The following POU6F2 variants were observed in gnomAD, a reference collection of about 807,000 sequenced individuals.
The protein encoded by POU6F2 is POU domain, class 6, transcription factor 2.
Under a neutral mutation model 71.3 loss-of-function variants are expected in POU6F2, and 31 were observed. The ratio of observed to expected loss-of-function variants is 0.43; its 90% CI spans 0.33 to 0.59. POU6F2 has a LOEUF of 0.59. Among genes scored for constraint, POU6F2 ranks in the 20% least tolerant of loss-of-function variants. The probability of loss-of-function intolerance (pLI) is 0.04; values close to 1 mark genes in which losing one functional copy is unlikely to be tolerated. For synonymous variants in POU6F2, 347 were observed against 355.7 expected, an observed-to-expected ratio of 0.98 and a Z score of 0.27; for missense variants, 783 against 856.8, an observed-to-expected ratio of 0.91 and a Z score of 1.07.
intron 2 of POU6F2, among the ~76,000 whole-genome samples, chr7:39,104,498 G>T (rs2128724300): frequency 6.6e-6 from 1 of 152,288 alleles, no homozygotes. Context: ...CAATGTACCT[G>T]GGATTCTTCA....
chr7:39,112,207 A>C (rs914026519), intron 2 of POU6F2, among the ~76,000 whole-genome samples: 3 of 152,204 alleles, frequency 2.0e-5, no homozygotes, highest in Non-Finnish European at 2.9e-5. Flanking sequence ...CTGGCTGAAC[A>C]TGTTGGTTCA....
intron 2 of POU6F2, among the ~76,000 whole-genome samples, chr7:39,179,871 G>A (rs545356356): frequency 4.6e-5 from 7 of 152,262 alleles, no homozygotes; most frequent in South Asian, 2.1e-4. Context: ...ACTTAAGCAC[G>A]TTGTATTTCA....
intron 4 of POU6F2, among the ~76,000 whole-genome samples, chr7:39,245,668 A>T (rs574405956): frequency 6.6e-5 from 10 of 152,308 alleles, no homozygotes; most frequent in African/African-American, 2.4e-4. Flanking sequence ...GGAGGAACTT[A>T]GTTTTTGCAT....
At chr7:39,405,101 A>G (rs1259288425) in intron 5 of POU6F2, 1 of 152,188 alleles carries the variant, frequency 6.6e-6, no homozygotes, top group Non-Finnish European at 1.5e-5. Context: ...TTTTTAAAAA[A>G]TGTGCTGGGT....
At chr7:39,126,839 G>C (rs1244094816) in intron 2 of POU6F2, among the ~76,000 whole-genome samples, 3 of 152,040 alleles carry the variant, frequency 2.0e-5, no homozygotes, top group Non-Finnish European at 2.9e-5. Context: ...GTGGCTTATT[G>C]GAATCAAATG....
At chr7:39,338,381 A>G (rs1312843082) in intron 4 of POU6F2, among the ~76,000 whole-genome samples, 1 of 152,214 alleles carries the variant, frequency 6.6e-6, no homozygotes, top group Non-Finnish European at 1.5e-5. Flanking sequence ...CCCTCATGCC[A>G]TCTCTATCTC....
chr7:39,239,565 A>C (rs1242471479), intron 4 of POU6F2, among the ~76,000 whole-genome samples: 1 of 152,128 alleles, frequency 6.6e-6, no homozygotes, highest in Non-Finnish European at 1.5e-5. Context: ...AAATATTAAA[A>C]ATTCTGAATC....
intron 2 of POU6F2, among the ~76,000 whole-genome samples, chr7:39,136,469 A>G (rs1295329459): frequency 6.6e-6 from 1 of 152,212 alleles, no homozygotes; most frequent in African/African-American, 2.4e-5. Context: ...TTAAAATAGT[A>G]TGCACCAACG....
chr7:39,040,681 T>C (rs1359877306), intron 1 of POU6F2, among the ~76,000 whole-genome samples: 1 of 151,998 alleles, frequency 6.6e-6, no homozygotes, highest in Non-Finnish European at 1.5e-5. Context: ...ATTTTTCCTA[T>C]AGTAATCATT....
At chr7:39,449,822 C>T (rs755787425) in intron 7 of POU6F2, among the ~76,000 whole-genome samples, 23 of 151,948 alleles carry the variant, frequency 1.5e-4, no homozygotes, top group Admixed American at 3.9e-4. Flanking sequence ...GAATGAATCT[C>T]AAAAACAGTA....
chr7:39,056,548 C>T (rs1790522828), intron 1 of POU6F2, among the ~76,000 whole-genome samples: 1 of 151,796 alleles, frequency 6.6e-6, no homozygotes, highest in African/African-American at 2.4e-5. Flanking sequence ...AAAGTGTTGA[C>T]TTCTTTATAA....
intron 4 of POU6F2, among the ~76,000 whole-genome samples, chr7:39,209,709 C>T (rs904160251): frequency 6.6e-6 from 1 of 152,196 alleles, no homozygotes; most frequent in African/African-American, 2.4e-5. Flanking sequence ...AATCAATCCA[C>T]CAGCAGCCAT....
At chr7:39,085,386 C>T (rs771984239) in intron 1 of POU6F2, among the ~76,000 whole-genome samples, 3 of 151,876 alleles carry the variant, frequency 2.0e-5, no homozygotes, top group African/African-American at 4.8e-5. Context: ...GCTTCTCCCC[C>T]GGGGAGAAGG....
intron 1 of POU6F2, among the ~76,000 whole-genome samples, chr7:39,021,522 AAAATT>A (rs1789679381): frequency 6.6e-6 from 1 of 152,016 alleles, no homozygotes; most frequent in African/African-American, 2.4e-5. Context: ...ATTAAAAAAT[AAAATT>A]ATCTATTTTT....
chr7:39,159,008 C>T (rs571773959), intron 2 of POU6F2, among the ~76,000 whole-genome samples: 2 of 151,200 alleles, frequency 1.3e-5, no homozygotes, highest in African/African-American at 2.4e-5. Context: ...CCCGTCTATA[C>T]TAACAATTAA....
rs1790119387 is a variant in POU6F2, at chr7:39,038,851, A to G, written c.106-47009A>G. On this transcript the variant is annotated intron_variant, in intron 1 of 9. Coordinates refer to ENST00000518318, the MANE Select transcript of POU6F2 (RefSeq NM_001370959.1). Reference sequence around the variant, plus strand: ...TGTTTCTTTGTGATTTGTCTCAGGCATATGAGAGAGCTTCTTCTTACCCCA... The same window carrying G: ...TGTTTCTTTGTGATTTGTCTCAGGCGTATGAGAGAGCTTCTTCTTACCCCA... Among the ~76,000 whole-genome samples, 3 of 152,098 alleles carry G rather than the reference A, an allele frequency of 2.0e-5. No homozygotes were observed. In the South Asian group the frequency reaches 6.2e-4, roughly 32 times the overall value.
chr7:39,106,183 C>T (rs982787253), intron 2 of POU6F2, among the ~76,000 whole-genome samples: 1 of 152,202 alleles, frequency 6.6e-6, no homozygotes, highest in African/African-American at 2.4e-5. Context: ...ATTGCATAGA[C>T]TAGCATTTTT....
intron 1 of POU6F2, among the ~76,000 whole-genome samples, chr7:39,008,244 T>C (rs1449226407): frequency 8.6e-5 from 13 of 151,312 alleles, no homozygotes; most frequent in African/African-American, 2.9e-4. Flanking sequence ...TGGTATCTCA[T>C]TGTGGTTTTG....
intron 4 of POU6F2, among the ~76,000 whole-genome samples, chr7:39,313,613 C>T (rs1785207494): frequency 1.3e-5 from 2 of 152,070 alleles, no homozygotes; most frequent in African/African-American, 4.8e-5. Context: ...CGTCCATCCC[C>T]TTAACATTTT....
Sources: allele counts gnomAD v4.1 joint callset (sites outside exome capture counted in the v4.1 genomes callset), GRCh38; gene constraint gnomAD v4.1.1; transcripts MANE v1.5; gene names NCBI Gene and HGNC (gene_info 2026-07-23, HGNC 2026-07-21).